The following SHTN1 variants were observed in gnomAD, a reference collection of about 807,000 sequenced individuals.
The protein encoded by SHTN1 is shootin 1, also known as shootin-1.
SHTN1 carries 42 observed loss-of-function variants against 83.1 expected under a neutral mutation model. The observed-to-expected ratio is 0.51, with a 90% CI of 0.39 to 0.65. The LOEUF (loss-of-function observed/expected upper bound fraction) is 0.65. Among genes scored for constraint, SHTN1 ranks in the 30% least tolerant of loss-of-function variants. The pLI, the probability that SHTN1 is intolerant of heterozygous loss-of-function variation, is 0.00. For synonymous variants in SHTN1, 224 were observed against 247.7 expected (o/e 0.90, Z 0.90); for missense variants, 622 against 737.8 (o/e 0.84, Z 1.82).
intron 1 of SHTN1, among the ~76,000 whole-genome samples, chr10:116,993,017 C>CTTTTTTTTTTTTTTT (rs35364697): frequency 1.7e-4 from 21 of 121,214 alleles, no homozygotes; most frequent in East Asian, 4.7e-4. Context: ...TCTTTTTTTT[C>CTTTTTTTTTTTTTTT]TTTTTTTTTT....
At chr10:116,926,687 C>T (rs891104476) in intron 11 of SHTN1, among the ~76,000 whole-genome samples, 1 of 147,224 alleles carries the variant, frequency 6.8e-6, no homozygotes, top group Non-Finnish European at 1.5e-5. Flanking sequence ...AAGGATTAAA[C>T]AAATCACATG....
At chr10:117,106,925 G>C (rs1032267587) in intron 1 of SHTN1, among the ~76,000 whole-genome samples, 1 of 152,036 alleles carries the variant, frequency 6.6e-6, no homozygotes, top group African/African-American at 2.4e-5. Flanking sequence ...AAAAATAAGG[G>C]TATCTATTTT....
chr10:116,929,731 G>T, intron 10 of SHTN1, 118 bp downstream of exon 10: 1 of 550,982 alleles, frequency 1.8e-6, no homozygotes, highest in Non-Finnish European at 2.9e-6. Context: ...AACAAATCTT[G>T]GTATTTTTCC....
At chr10:117,017,404 TG>T (rs1398044007) in intron 2 of SHTN1, among the ~76,000 whole-genome samples, 1 of 144,772 alleles carries the variant, frequency 6.9e-6, no homozygotes, top group Non-Finnish European at 1.5e-5. Flanking sequence ...GGAAGGAGAA[TG>T]GCGTGAACCC....
chr10:116,945,437 C>T (rs980733800), intron 7 of SHTN1, among the ~76,000 whole-genome samples: 1 of 152,146 alleles, frequency 6.6e-6, no homozygotes, highest in Non-Finnish European at 1.5e-5. Context: ...GGAAAGACAT[C>T]TGTGATGTAT....
At chr10:116,960,442 C>G (rs1285266198) in intron 3 of SHTN1, 3 of 432,266 alleles carry the variant, frequency 6.9e-6, no homozygotes, top group Non-Finnish European at 1.2e-5. Context: ...AAAATACATT[C>G]ATTTCACATA....
chr10:116,937,550 TC>T, intron 9 of SHTN1, among the ~76,000 whole-genome samples: 1 of 152,320 alleles, frequency 6.6e-6, no homozygotes, highest in Admixed American at 6.5e-5. Flanking sequence ...CTGCTGGGCT[TC>T]CCTTTGTGGG....
chr10:116,954,018 C>A, intron 5 of SHTN1, 24 bp downstream of exon 5: 1 of 1,583,094 alleles, frequency 6.3e-7, no homozygotes, highest in South Asian at 1.2e-5. Context: ...AAAATATGCT[C>A]AATAATTAAG....
intron 2 of SHTN1, among the ~76,000 whole-genome samples, chr10:116,969,194 A>G (rs1340077594): frequency 1.3e-5 from 2 of 152,318 alleles, no homozygotes; most frequent in East Asian, 3.9e-4. Flanking sequence ...TGGGAGGCCG[A>G]GGCAGGCAGA....
At chr10:116,920,024 G>C (rs1848500476) in intron 12 of SHTN1, among the ~76,000 whole-genome samples, 1 of 152,172 alleles carries the variant, frequency 6.6e-6, no homozygotes, top group Non-Finnish European at 1.5e-5. Context: ...TCTGCTCAGG[G>C]GGAGAGAGGT....
At chr10:116,957,255 A>AC (rs1850017535) in intron 4 of SHTN1, among the ~76,000 whole-genome samples, 1 of 146,512 alleles carries the variant, frequency 6.8e-6, no homozygotes, top group South Asian at 2.1e-4. Context: ...ATATCTTTTT[A>AC]CTTTTTTTTT....
intron 1 of SHTN1, among the ~76,000 whole-genome samples, chr10:117,003,284 AAC>A (rs1158918753): frequency 6.6e-6 from 1 of 150,492 alleles, no homozygotes; most frequent in African/African-American, 2.5e-5. Flanking sequence ...CCCTCGCTAA[AAC>A]ACTTGAGAAA....
chr10:117,010,389 T>C (rs1165066867), upstream of SHTN1, among the ~76,000 whole-genome samples: 1 of 151,868 alleles, frequency 6.6e-6, no homozygotes, highest in African/African-American at 2.4e-5. Flanking sequence ...AGAACTATTA[T>C]AAGTAGAGTA....
chr10:117,092,877 G>A (rs1314047370), intron 1 of SHTN1, among the ~76,000 whole-genome samples: 1 of 152,142 alleles, frequency 6.6e-6, no homozygotes, highest in African/African-American at 2.4e-5. Flanking sequence ...TCAGCTCATA[G>A]ATAAGAAATG....
upstream of SHTN1, chr10:117,005,194 G>A (rs1851973083): frequency 3.3e-6 from 5 of 1,531,602 alleles, no homozygotes; most frequent in African/African-American, 1.4e-5. Context: ...CCCGGAAGTT[G>A]GATCCGCTCC....
chr10:116,912,673 T>G (rs1471390089), intron 13 of SHTN1, among the ~76,000 whole-genome samples: 1 of 152,124 alleles, frequency 6.6e-6, no homozygotes, highest in Admixed American at 6.5e-5. Context: ...GAGGACCTCA[T>G]GAAAAGTAAG....
Position 116,906,579 on chromosome 10 carries a change from T to C in SHTN1, c.1480+48A>G, listed in dbSNP as rs1222317032. Reference sequence around the variant, plus strand: ...ATGTAAAAAGAGACTTAGAAGAAGATGTTTCAGAGATGAAGAGAAGGACTG... The same window carrying C: ...ATGTAAAAAGAGACTTAGAAGAAGACGTTTCAGAGATGAAGAGAAGGACTG... On this transcript the variant is annotated intron_variant, in intron 15 of 16. Coordinates refer to ENST00000355371, the MANE Select transcript of SHTN1 (RefSeq NM_001127211.3). The C allele has an allele frequency of 2.6e-6, 4 of 1,532,230 alleles. No individual in the cohort carries two copies. In the South Asian group the frequency reaches 3.8e-5, roughly 15 times the overall value. 94.9% of individuals were successfully genotyped at this position (1,532,230 alleles called of 1,614,324 possible).
In SHTN1 at chr10:117,098,900, C is replaced by T. The variant is rs79113530; in HGVS notation, c.-189+27407G>A. Among the ~76,000 whole-genome samples the T allele has an allele frequency of 2.8e-4, 42 of 152,038 alleles. No individual in the cohort carries two copies. In the East Asian group the frequency reaches 4.1e-3, roughly 15 times the overall value. ...AAGAATAACTGTCTCCTTTTTATCT[C>T]GATCCTTAAAAGACTTCAAATTTAT... On this transcript the variant is annotated intron_variant, in intron 1 of 17. Transcript: ENST00000392901.
chr10:116,930,408 C>T (rs1049136772), intron 9 of SHTN1, among the ~76,000 whole-genome samples: 7 of 152,094 alleles, frequency 4.6e-5, no homozygotes, highest in Non-Finnish European at 1.0e-4. Flanking sequence ...ATCAAGTAAG[C>T]CCCAGTGTCT....
Sources: allele counts gnomAD v4.1 joint callset (sites outside exome capture counted in the v4.1 genomes callset), GRCh38; gene constraint gnomAD v4.1.1; transcripts MANE v1.5; gene names NCBI Gene and HGNC (gene_info 2026-07-23, HGNC 2026-07-21).